Variants in CPSF3 observed in about 807,000 individuals in gnomAD.
The protein encoded by CPSF3 is cleavage and polyadenylation specific factor 3, also known as cleavage and polyadenylation specificity factor subunit 3.
In CPSF3, 57 loss-of-function variants were observed where a neutral mutation model predicts 84.1. The observed-to-expected ratio is 0.68, with a 90% confidence interval of 0.55 to 0.85. The LOEUF (loss-of-function observed/expected upper bound fraction) is 0.85. CPSF3 is among the 40% of genes least tolerant of loss of function. The pLI is 0.00. For missense variants in CPSF3, 522 were observed against 838.8 expected, an observed-to-expected ratio of 0.62 and a Z score of 4.66; for synonymous variants, 275 against 278.1, an observed-to-expected ratio of 0.99 and a Z score of 0.11.
At chr2:9,457,145 ATATGTGTGTGTGTGTGTGTG>A in intron 14 of CPSF3, 118 bp downstream of exon 14, 1 of 475,234 alleles carries the variant, frequency 2.1e-6, no homozygotes, top group Non-Finnish European at 3.7e-6. Flanking sequence ...GTTGGAAAGT[ATATGTGTGTGTGTGTGTGTG>A]TGTGTGTGTG....
intron 7 of CPSF3, among the ~76,000 whole-genome samples, chr2:9,439,472 CAAAA>C (rs34127364): frequency 1.9e-5 from 2 of 104,198 alleles, no homozygotes; most frequent in Admixed American, 1.1e-4. Flanking sequence ...GACTCCATCT[CAAAA>C]AAAAAAAAAA....
intron 15 of CPSF3, among the ~76,000 whole-genome samples, chr2:9,460,745 C>G (rs1388354715): frequency 6.7e-6 from 1 of 149,738 alleles, no homozygotes; most frequent in Non-Finnish European, 1.5e-5. Flanking sequence ...GCCTGGGGCT[C>G]AAATGATCCT....
intron 17 of CPSF3, among the ~76,000 whole-genome samples, chr2:9,472,707 G>A (rs1482354254): frequency 6.6e-6 from 1 of 152,094 alleles, no homozygotes; most frequent in Non-Finnish European, 1.5e-5. Flanking sequence ...AGGCTGGAGT[G>A]CAGTGGTGCA....
At chr2:9,442,103 C>A in intron 9 of CPSF3, 127 bp downstream of exon 9, 1 of 927,276 alleles carries the variant, frequency 1.1e-6, no homozygotes, top group Non-Finnish European at 1.7e-6. Context: ...AAAATGAGGA[C>A]GGGAATAGGT....
In CPSF3 at chr2:9,459,638, C is replaced by CCTT; in HGVS notation, c.1786+20_1786+21insCTT. 3.2e-6 allele frequency: 1 copy of CCTT among 309,954 alleles called. No individual in the cohort carries two copies. The highest frequency in any genetic ancestry group is 5.5e-6 in the Non-Finnish European group (1 of 181,564). The allele number at this position is 309,954 out of a possible 1,614,324, so 19.2% of individuals were successfully genotyped here. ...GAAAAGGTAAGAGTTCATTTTTATC[C>CCTT]TTTTTTTTTTTTTTTTTTTTTTTTT... On this transcript the variant is annotated intron_variant, in intron 15 of 17. Transcript: ENST00000238112.
chr2:9,443,934 GC>G (rs1445384885), intron 10 of CPSF3, among the ~76,000 whole-genome samples: 2 of 151,918 alleles, frequency 1.3e-5, no homozygotes, highest in African/African-American at 4.8e-5. Context: ...TAATTTAAGA[GC>G]CAGGCTTGGA....
intron 11 of CPSF3, among the ~76,000 whole-genome samples, chr2:9,448,574 G>A (rs1378066734): frequency 2.6e-5 from 4 of 152,156 alleles, no homozygotes; most frequent in African/African-American, 9.7e-5. Context: ...GTGTGTGTGT[G>A]TGAGACGGAG....
At chr2:9,440,430 T>C in intron 7 of CPSF3, 61 bp from the exon 8 acceptor site, 1 of 1,343,804 alleles carries the variant, frequency 7.4e-7, no homozygotes, top group Non-Finnish European at 1.0e-6. Flanking sequence ...GTATCATTTG[T>C]TATTTGAACT....
At chr2:9,435,147 C>T (rs1680728488) in intron 6 of CPSF3, among the ~76,000 whole-genome samples, 1 of 152,182 alleles carries the variant, frequency 6.6e-6, no homozygotes. Flanking sequence ...TTCAGTACAT[C>T]TGGGCTGGGG....
At position 9,430,836 on chromosome 2, in the gene CPSF3, A is replaced by G. The variant is rs1270523071; in HGVS notation, c.297A>G (p.Thr99=). ...FKGRTFMTHA[T]KAIYRWLLSD... is the part of the protein sequence containing the mutation. ...GAAGAACATTTATGACTCATGCCAC[A>G]AAAGCTATTTATAGATGGCTTCTTT... Residue 99 remains threonine, a synonymous_variant, in exon 4 of 18, where the codon ACA becomes ACG. Coordinates refer to ENST00000238112, the MANE Select transcript of CPSF3 (RefSeq NM_016207.4). 2 of 1,613,198 alleles carry G rather than the reference A, an allele frequency of 1.2e-6. No individual in the cohort carries two copies. Among genetic ancestry groups the G allele is most frequent in the Non-Finnish European group, 1.7e-6 (2 of 1,179,316 alleles).
intron 11 of CPSF3, among the ~76,000 whole-genome samples, chr2:9,449,969 A>G (rs1473978408): frequency 6.6e-6 from 1 of 151,904 alleles, no homozygotes; most frequent in Non-Finnish European, 1.5e-5. Flanking sequence ...TGAAATCATT[A>G]TGTTGAAGAG....
chr2:9,463,679 ATTAT>A (rs1425715803), intron 15 of CPSF3, among the ~76,000 whole-genome samples: 1 of 152,178 alleles, frequency 6.6e-6, no homozygotes, highest in East Asian at 1.9e-4. Flanking sequence ...CTGTATATTT[ATTAT>A]TTATCGAACT....
At chr2:9,439,472 C>CAAAAAA (rs34127364) in intron 7 of CPSF3, among the ~76,000 whole-genome samples, 2 of 104,200 alleles carry the variant, frequency 1.9e-5, no homozygotes, top group Non-Finnish European at 1.8e-5. Flanking sequence ...GACTCCATCT[C>CAAAAAA]AAAAAAAAAA....
chr2:9,457,758 T>G (rs748900643), intron 14 of CPSF3, among the ~76,000 whole-genome samples: 1 of 152,070 alleles, frequency 6.6e-6, no homozygotes, highest in African/African-American at 2.4e-5. Context: ...TCTAATTTTT[T>G]TTTTCTTTTT....
intron 7 of CPSF3, among the ~76,000 whole-genome samples, chr2:9,439,359 G>C (rs1680889098): frequency 6.6e-6 from 1 of 151,892 alleles, no homozygotes; most frequent in African/African-American, 2.4e-5. Context: ...TGTAGTCCCA[G>C]CTACTCTGGA....
At chr2:9,426,736 T>G (rs531566801) in intron 1 of CPSF3, among the ~76,000 whole-genome samples, 56 of 152,032 alleles carry the variant, frequency 3.7e-4, no homozygotes, top group African/African-American at 1.3e-3. Context: ...CAGGTACTCC[T>G]TAGGAGTGAC....
chr2:9,465,938 A>G (rs1238086196), intron 15 of CPSF3, among the ~76,000 whole-genome samples: 1 of 152,212 alleles, frequency 6.6e-6, no homozygotes, highest in African/African-American at 2.4e-5. Flanking sequence ...AGCATTATTG[A>G]TACATAATTC....
intron 7 of CPSF3, among the ~76,000 whole-genome samples, chr2:9,437,380 G>A (rs538678802): frequency 2.5e-5 from 3 of 118,468 alleles, no homozygotes; most frequent in East Asian, 1.9e-4. Context: ...CTCCAGCCTC[G>A]GTGACAGAGG....
rs553444539 is a variant in CPSF3 at position 9,461,922 on chromosome 2, C to T, written c.1786+2304C>T. Among the ~76,000 whole-genome samples, 13 of 151,812 alleles carry T rather than the reference C, an allele frequency of 8.6e-5. No homozygotes were observed. The South Asian group carries it at 1.0e-3, about 12-fold the overall frequency. The stretch of plus-strand genomic sequence containing the variant: ...GATTAGAGGCGTGTGCCACCATGCC[C>T]GGCTAATTTTTGTATTTTTAGTAGG... On this transcript the variant is annotated intron_variant, in intron 15 of 17. Coordinates refer to ENST00000238112, the MANE Select transcript of CPSF3 (RefSeq NM_016207.4).
Sources: allele counts gnomAD v4.1 joint callset (sites outside exome capture counted in the v4.1 genomes callset), GRCh38; gene constraint gnomAD v4.1.1; transcripts MANE v1.5; gene names NCBI Gene and HGNC (gene_info 2026-07-23, HGNC 2026-07-21).